HMCN1: variants seen among roughly 807,000 people sequenced by gnomAD.
HMCN1 encodes the protein hemicentin-1.
A neutral mutation model predicts 625.9 loss-of-function variants in HMCN1; 321 were observed. The observed-to-expected ratio is 0.51, with a 90% CI of 0.47 to 0.56. HMCN1 has a LOEUF of 0.56. HMCN1 is among the 20% of genes least tolerant of loss of function. The pLI is 0.00. For synonymous variants in HMCN1, 2,425 were observed against 2,417.6 expected (o/e 1.00, Z -0.09); for missense variants, 6,588 against 6,887.3 (o/e 0.96, Z 1.54).
chr1:186,130,895 G>A (rs2102517575), intron 85 of HMCN1, among the ~76,000 whole-genome samples, 198 bp downstream of exon 85: 1 of 152,308 alleles, frequency 6.6e-6, no homozygotes, highest in Middle Eastern at 3.4e-3. Flanking sequence ...GTGAGATAAT[G>A]TGGCTGCCTT....
intron 103 of HMCN1, among the ~76,000 whole-genome samples, chr1:186,177,699 TC>T (rs1336736056): frequency 6.6e-6 from 1 of 152,086 alleles, no homozygotes; most frequent in African/African-American, 2.4e-5. Context: ...TTAGAAAGCT[TC>T]CAACATTGTC....
At chr1:186,152,684 A>T (rs962313755) in intron 95 of HMCN1, 66 bp from the exon 96 acceptor site, 1 of 1,603,448 alleles carries the variant, frequency 6.2e-7, no homozygotes, top group African/African-American at 1.3e-5. Flanking sequence ...ATGTAAGGTA[A>T]ATCTGCTCTG....
At position 185,996,025 on chromosome 1, in the gene HMCN1, C is replaced by T. The variant is rs1161923306; in HGVS notation, c.3778+938C>T. On this transcript the variant is annotated intron_variant, in intron 24 of 106. Transcript: ENST00000271588. Reference sequence around the variant, plus strand: ...AGTTTTGTTGGATGGTTGGCTAGGACACTAATGAAGAAGTTTTCCTGTTCA... The same window carrying T: ...AGTTTTGTTGGATGGTTGGCTAGGATACTAATGAAGAAGTTTTCCTGTTCA... Among the ~76,000 whole-genome samples the T allele has an allele frequency of 4.6e-5, 7 of 152,202 alleles. No homozygotes were observed. In the East Asian group the frequency reaches 1.2e-3, roughly 25 times the overall value.
intron 103 of HMCN1, among the ~76,000 whole-genome samples, chr1:186,176,469 C>T (rs933363392): frequency 2.0e-5 from 3 of 152,156 alleles, no homozygotes; most frequent in African/African-American, 7.2e-5. Flanking sequence ...CTCTGGTTTT[C>T]GTGTATTTAA....
chr1:186,095,309 C>T lies in HMCN1; in HGVS notation c.10361C>T (p.Ser3454Phe), dbSNP rs760682263. ...ACAGTTCTCAAAGGTAGTTCCACCT[C>T]TATGGCATGCATTACTGATGGAACC... ...EITVLKGSST[S>F]MACITDGTPA... Residue 3454 changes from serine (S) to phenylalanine (F), a missense_variant, in exon 68 of 107, where the codon TCT (serine) becomes TTT (phenylalanine). Ser to Phe is a radical substitution (Grantham distance 155). Coordinates refer to ENST00000271588, the MANE Select transcript of HMCN1 (RefSeq NM_031935.3). 8 of 1,613,760 alleles carry T rather than the reference C, an allele frequency of 5.0e-6. No homozygotes were observed. Among genetic ancestry groups the T allele is most frequent in the Middle Eastern group, 1.7e-4 (1 of 6,058 alleles).
intron 26 of HMCN1, among the ~76,000 whole-genome samples, chr1:186,000,542 G>GGT (rs1170943049): frequency 7.5e-4 from 95 of 127,234 alleles, no homozygotes; most frequent in Admixed American, 1.8e-3. Context: ...CAGCGTGTAG[G>GGT]GTGTGTGTGT....
At chr1:186,054,057 A>G in intron 44 of HMCN1, 71 bp downstream of exon 44, 1 of 1,424,458 alleles carries the variant, frequency 7.0e-7, no homozygotes, top group Non-Finnish European at 9.8e-7. Flanking sequence ...ATTTACTTTT[A>G]AAAATATCTT....
In HMCN1 at chr1:185,808,753, G is replaced by C. The variant is rs558533223; in HGVS notation, c.269-37273G>C. On this transcript the variant is annotated intron_variant, in intron 1 of 106. Transcript: ENST00000271588. ...TACTTCCTTTTCTCTTCAGGCATCTGAATGATGTAAGAGGTTAACTATTCT... is the reference window on the plus strand; with the variant it reads ...TACTTCCTTTTCTCTTCAGGCATCTCAATGATGTAAGAGGTTAACTATTCT... Among the ~76,000 whole-genome samples, 15 of 152,272 alleles carry C rather than the reference G, an allele frequency of 9.9e-5. No homozygotes were observed. In the South Asian group the frequency reaches 2.3e-3, roughly 23 times the overall value.
At position 186,145,305 on chromosome 1, in the gene HMCN1, A is replaced by G. The variant is rs61413352; in HGVS notation, c.14267-98A>G. The G allele has an allele frequency of 2.6e-3, 3,202 of 1,241,130 alleles. 61 individuals carry two copies. The African/African-American group carries it at 0.054, about 21-fold the overall frequency. The allele number at this position is 1,241,130 out of a possible 1,614,324, so 76.9% of individuals were successfully genotyped here. On this transcript the variant is annotated intron_variant, in intron 91 of 106. Coordinates refer to ENST00000271588, the MANE Select transcript of HMCN1 (RefSeq NM_031935.3). ...TGCATGTTTTGTTTTAGGTGCTGAG[A>G]AGAGACTTTTTTTTTAATACTTTTT... is the stretch of plus-strand genomic sequence containing the variant.
intron 15 of HMCN1, among the ~76,000 whole-genome samples, chr1:185,974,096 A>G (rs998449700): frequency 6.6e-5 from 10 of 152,208 alleles, no homozygotes; most frequent in African/African-American, 2.4e-4. Context: ...CCATATCTAT[A>G]TGTAAGTTAC....
At chr1:185,989,768 TTCTA>T in intron 21 of HMCN1, 121 bp downstream of exon 21, 2 of 874,582 alleles carry the variant, frequency 2.3e-6, no homozygotes, top group Non-Finnish European at 3.4e-6. Flanking sequence ...TCCCCCAGAT[TTCTA>T]TTTTTTTTTT....
At chr1:186,173,010 A>G (rs574319546) in intron 102 of HMCN1, among the ~76,000 whole-genome samples, 21 of 152,324 alleles carry the variant, frequency 1.4e-4, no homozygotes, top group Admixed American at 1.0e-3. Flanking sequence ...AAAGCAAGAA[A>G]GCCTTGTATA....
Position 185,846,033 on chromosome 1 carries a change from C to A in HMCN1, c.276C>A (p.Gly92=). 6.2e-7 allele frequency: 1 copy of A among 1,604,776 alleles called. No homozygotes were observed. Among genetic ancestry groups the A allele is most frequent in the Non-Finnish European group, 8.5e-7 (1 of 1,171,866 alleles). Residue 92 remains glycine (G), a synonymous_variant, in exon 2 of 107, where the codon GGC becomes GGA. Coordinates refer to ENST00000271588, the MANE Select transcript of HMCN1 (RefSeq NM_031935.3). ...ALVPFHDPEI[G]PVTITTDPKK... ...TTATTTTTATCTTCACAGAAATTGG[C>A]CCAGTGACAATTACCACAGATCCCA... is the stretch of plus-strand genomic sequence containing the variant.
chr1:185,881,546 C>T lies in HMCN1; in HGVS notation c.621+15683C>T, dbSNP rs1011933697. Among the ~76,000 whole-genome samples the T allele has an allele frequency of 2.6e-5, 4 of 152,302 alleles. No homozygotes were observed. In the East Asian group the frequency reaches 7.7e-4, roughly 29 times the overall value. Reference sequence around the variant, plus strand: ...GAGCCATGGGTGGTTTAGGAAAGGACAACATTCCAGTGGGAAAACAGGGAT... The same window carrying T: ...GAGCCATGGGTGGTTTAGGAAAGGATAACATTCCAGTGGGAAAACAGGGAT... On this transcript the variant is annotated intron_variant, in intron 4 of 106. Transcript: ENST00000271588.
intron 42 of HMCN1, among the ~76,000 whole-genome samples, chr1:186,050,173 A>G (rs922349122): frequency 6.6e-6 from 1 of 151,750 alleles, no homozygotes; most frequent in Non-Finnish European, 1.5e-5. Context: ...TGAGAAAAAA[A>G]AGAGAGAAAA....
intron 1 of HMCN1, among the ~76,000 whole-genome samples, chr1:185,764,444 A>T (rs1425867101): frequency 1.3e-5 from 2 of 152,172 alleles, no homozygotes. Flanking sequence ...TTTTAGGAAG[A>T]GTTGGATTAT....
Position 186,153,644 on chromosome 1 carries a change from A to T in HMCN1, c.15019-106A>T, listed in dbSNP as rs551130703. Reference sequence around the variant, plus strand: ...CCATCATGCATGATGTGTGTTTTTTAGCTCCTAATCCTTTTTCCCCGCTCA... The same window carrying T: ...CCATCATGCATGATGTGTGTTTTTTTGCTCCTAATCCTTTTTCCCCGCTCA... On this transcript the variant is annotated intron_variant, in intron 96 of 106. Transcript: ENST00000271588. 4 of 888,084 alleles carry T rather than the reference A, an allele frequency of 4.5e-6. No individual in the cohort carries two copies. In the South Asian group the frequency reaches 5.3e-5, roughly 12 times the overall value. 55.0% of individuals were successfully genotyped at this position (888,084 alleles called of 1,614,324 possible). A position where few individuals can be genotyped will look rare whatever the true frequency, so the allele number is the denominator to read the frequency against.
At position 185,865,766 on chromosome 1, in the gene HMCN1, G is replaced by A. The variant is rs1558025292; in HGVS notation, c.524G>A (p.Cys175Tyr). Reference protein sequence around the residue: ...SQVVFVLTGDCDDRTHIGYKV... With the variant: ...SQVVFVLTGDYDDRTHIGYKV... ...GTCGTATTTGTTCTGACTGGAGATTGTGATGACAGGACCCATATTGGATAT... is the reference window on the plus strand; with the variant it reads ...GTCGTATTTGTTCTGACTGGAGATTATGATGACAGGACCCATATTGGATAT... Residue 175 changes from cysteine (C) to tyrosine (Y), a missense_variant, in exon 4 of 107, where the codon TGT becomes TAT. By Grantham distance (194) the Cys-to-Tyr change is radical. Transcript: ENST00000271588. The A allele has an allele frequency of 6.2e-7, 1 of 1,605,304 alleles. No homozygotes were observed.
chr1:186,113,081 A>G, intron 72 of HMCN1, 128 bp downstream of exon 72: 1 of 1,025,354 alleles, frequency 9.8e-7, no homozygotes, highest in African/African-American at 1.6e-5. Context: ...TGAAAAAGGC[A>G]ACGTGGAGTA....
Sources: allele counts gnomAD v4.1 joint callset (sites outside exome capture counted in the v4.1 genomes callset), GRCh38; gene constraint gnomAD v4.1.1; transcripts MANE v1.5; gene names NCBI Gene and HGNC (gene_info 2026-07-23, HGNC 2026-07-21).